The following ANKFN1 variants were observed in gnomAD, a reference collection of about 807,000 sequenced individuals.
ANKFN1 encodes ankyrin repeat and fibronectin type III domain containing 1.
ANKFN1 carries 74 observed loss-of-function variants against 108.7 expected under a neutral mutation model. The ratio of observed to expected loss-of-function variants is 0.68; its 90% CI spans 0.56 to 0.83. ANKFN1 has a LOEUF of 0.83. Among genes scored for constraint, ANKFN1 ranks in the 40% least tolerant of loss-of-function variants. The pLI is 0.00. For missense variants in ANKFN1, 1,505 were observed against 1,382.3 expected, an observed-to-expected ratio of 1.09 and a Z score of -1.41; for synonymous variants, 547 against 516.2, an observed-to-expected ratio of 1.06 and a Z score of -0.81.
Position 56,047,598 on chromosome 17 carries a change from G to A in ANKFN1, c.288+1273G>A, listed in dbSNP as rs148741182. 2.7e-3 allele frequency among the ~76,000 whole-genome samples: 413 copies of A among 152,112 alleles called. 2 individuals carry two copies. Among genetic ancestry groups the A allele is most frequent in the Non-Finnish European group, 4.0e-3 (270 of 67,994 alleles). On this transcript the variant is annotated intron_variant, in intron 4 of 12. Transcript: ENST00000635860. ...AAATATGAACCAGGGGATGGGAACT[G>A]GGGAGAGGAAAGAGCCATCTGTCTT...
chr17:56,126,992 A>C (rs1906974021), intron 4 of ANKFN1, among the ~76,000 whole-genome samples: 1 of 152,244 alleles, frequency 6.6e-6, no homozygotes, highest in East Asian at 1.9e-4. Flanking sequence ...ATAAATGCTC[A>C]AAAAGAGTAG....
At chr17:56,464,065 G>A (rs1035861143) in intron 14 of ANKFN1, among the ~76,000 whole-genome samples, 1 of 152,010 alleles carries the variant, frequency 6.6e-6, no homozygotes, top group African/African-American at 2.4e-5. Context: ...TTTGCTTTAG[G>A]CCCTAAAGAA....
chr17:56,046,978 CTTTCT>C (rs1411244340), intron 4 of ANKFN1, among the ~76,000 whole-genome samples: 2 of 151,952 alleles, frequency 1.3e-5, no homozygotes, highest in Admixed American at 6.6e-5. Context: ...TTTTCTTTTC[CTTTCT>C]TTTCTTTTTT....
Position 56,480,669 on chromosome 17 carries a change from G to A in ANKFN1, c.1942G>A (p.Glu648Lys). ...KIRENNNISR[E>K]EWEWIQKLSG... ...ATTTTAACTTGACTCAACATACAGA[G>A]AGGAATGGGAATGGATCCAAAAGCT... The change falls in exon 17 of 21, where the codon GAG (glutamate) becomes AAG (lysine). Residue 648 changes from glutamate to lysine, a missense_variant and splice_region_variant. Transcript: ENST00000682825. 6.2e-7 allele frequency: 1 copy of A among 1,613,646 alleles called. No individual in the cohort carries two copies.
At chr17:56,242,035 A>G (rs1917622552) in intron 3 of ANKFN1, among the ~76,000 whole-genome samples, 2 of 125,350 alleles carry the variant, frequency 1.6e-5, no homozygotes, top group African/African-American at 2.6e-5. Context: ...TTATTTCTGG[A>G]ATTTTTCACT....
At chr17:56,395,905 T>G (rs1438903748) in intron 8 of ANKFN1, among the ~76,000 whole-genome samples, 2 of 152,156 alleles carry the variant, frequency 1.3e-5, no homozygotes, top group African/African-American at 4.8e-5. Flanking sequence ...ACTTCTTCAG[T>G]GCAGACTCTG....
intron 8 of ANKFN1, among the ~76,000 whole-genome samples, chr17:56,417,856 CCTT>C (rs2145034642): frequency 6.6e-6 from 1 of 152,290 alleles, no homozygotes; most frequent in East Asian, 1.9e-4. Context: ...CTGAAGTCCA[CCTT>C]CTTTTCTTTC....
intron 3 of ANKFN1, among the ~76,000 whole-genome samples, chr17:56,304,145 C>G (rs1318418239): frequency 2.6e-5 from 4 of 152,116 alleles, no homozygotes; most frequent in Admixed American, 6.5e-5. Flanking sequence ...TATGATCACA[C>G]CCACTTCCCT....
intron 4 of ANKFN1, among the ~76,000 whole-genome samples, chr17:56,105,040 AATAGTTT>A (rs1045679496): frequency 6.6e-6 from 1 of 152,206 alleles, no homozygotes; most frequent in African/African-American, 2.4e-5. Flanking sequence ...GAGAATGACA[AATAGTTT>A]AAGAATAGAG....
intron 8 of ANKFN1, among the ~76,000 whole-genome samples, chr17:56,382,649 G>T (rs1269235056): frequency 5.9e-5 from 9 of 151,612 alleles, no homozygotes; most frequent in African/African-American, 1.5e-4. Flanking sequence ...CCAAGCAAAT[G>T]GAAAACAAAA....
At chr17:56,458,050 C>T in intron 14 of ANKFN1, 71 bp downstream of exon 14, 1 of 1,295,544 alleles carries the variant, frequency 7.7e-7, no homozygotes. Flanking sequence ...GTTACCAGTC[C>T]TACCTAGAAA....
intron 4 of ANKFN1, among the ~76,000 whole-genome samples, chr17:56,075,070 T>TA (rs1905165847): frequency 6.6e-6 from 1 of 152,216 alleles, no homozygotes; most frequent in Admixed American, 6.5e-5. Flanking sequence ...GTCATTAAGC[T>TA]AGCAGGAAAC....
At chr17:56,062,559 C>CG (rs1904992733) in intron 4 of ANKFN1, among the ~76,000 whole-genome samples, 1 of 134,514 alleles carries the variant, frequency 7.4e-6, no homozygotes, top group African/African-American at 3.0e-5. Flanking sequence ...GTAATCTCTG[C>CG]TTTTTTTTTT....
At chr17:56,240,324 A>C (rs764760287) in intron 3 of ANKFN1, among the ~76,000 whole-genome samples, 14 of 152,070 alleles carry the variant, frequency 9.2e-5, no homozygotes, top group Non-Finnish European at 1.8e-4. Context: ...ATTTTTTGTC[A>C]GTCAACATTA....
At chr17:56,243,076 T>G (rs1418142379) in intron 3 of ANKFN1, among the ~76,000 whole-genome samples, 1 of 152,172 alleles carries the variant, frequency 6.6e-6, no homozygotes, top group Non-Finnish European at 1.5e-5. Context: ...CCATTCAATT[T>G]TTCTCATTTA....
chr17:56,334,925 G>A (rs1413093115), intron 4 of ANKFN1, among the ~76,000 whole-genome samples: 1 of 152,136 alleles, frequency 6.6e-6, no homozygotes, highest in East Asian at 1.9e-4. Context: ...AAGGGATCCA[G>A]TTTCAGCTTT....
At chr17:56,167,235 A>ATG (rs1491259822) in intron 1 of ANKFN1, among the ~76,000 whole-genome samples, 4 of 146,518 alleles carry the variant, frequency 2.7e-5, no homozygotes, top group African/African-American at 7.5e-5. Flanking sequence ...GTGTGCATAG[A>ATG]TGTGTGTGTA....
chr17:56,210,860 T>C (rs974742231), intron 1 of ANKFN1, among the ~76,000 whole-genome samples: 8 of 152,158 alleles, frequency 5.3e-5, no homozygotes, highest in Non-Finnish European at 8.8e-5. Flanking sequence ...AAGAACAGCA[T>C]GGGGGAAACC....
At chr17:56,073,779 C>G (rs1905147300) in intron 4 of ANKFN1, among the ~76,000 whole-genome samples, 1 of 152,162 alleles carries the variant, frequency 6.6e-6, no homozygotes, top group Non-Finnish European at 1.5e-5. Flanking sequence ...GTATTTGTGT[C>G]TGATCTGTTT....
Sources: gnomAD v4.1 joint callset for allele counts (sites outside exome capture counted in the v4.1 genomes callset) on GRCh38, gnomAD v4.1.1 for gene constraint, MANE v1.5 for transcripts, NCBI Gene and HGNC (gene_info 2026-07-23, HGNC 2026-07-21) for gene names.